PAG1: variants seen among roughly 807,000 people sequenced by gnomAD.
PAG1 encodes the protein phosphoprotein associated with glycosphingolipid-enriched microdomains 1.
A neutral mutation model predicts 31.7 loss-of-function variants in PAG1; 23 were observed. The observed-to-expected ratio is 0.73, with a 90% CI of 0.52 to 1.03. The LOEUF (loss-of-function observed/expected upper bound fraction) is 1.03. Ranked by LOEUF, PAG1 falls within the 50% of genes least tolerant of loss-of-function variation. PAG1 has a pLI of 0.00. For missense variants in PAG1, 473 were observed against 540.7 expected, an observed-to-expected ratio of 0.87 and a Z score of 1.24; for synonymous variants, 214 against 210.3, an observed-to-expected ratio of 1.02 and a Z score of -0.15.
At chr8:80,991,665 G>C (rs1282815221) in intron 4 of PAG1, 135 bp from the exon 5 acceptor site, 2 of 707,032 alleles carry the variant, frequency 2.8e-6, no homozygotes, top group Non-Finnish European at 5.1e-6. Context: ...TGTCAACAAA[G>C]ACAAAATCAG....
chr8:81,050,777 A>G (rs368172555), intron 2 of PAG1, among the ~76,000 whole-genome samples: 1 of 152,232 alleles, frequency 6.6e-6, no homozygotes, highest in Non-Finnish European at 1.5e-5. Flanking sequence ...TGAGTCCATC[A>G]GCTGGTGAGT....
chr8:81,026,872 AC>A lies in PAG1; in HGVS notation c.-81+3123del, dbSNP rs1159756999. Among the ~76,000 whole-genome samples the A allele has an allele frequency of 2.0e-5, 3 of 152,282 alleles. No individual in the cohort carries two copies. The South Asian group carries it at 6.2e-4, about 32-fold the overall frequency. On this transcript the variant is annotated intron_variant, in intron 3 of 8. Coordinates refer to ENST00000220597, the MANE Select transcript of PAG1 (RefSeq NM_018440.4). ...GTAATCCTTAACTCAGCTGTGAAAA[AC>A]AATAAAATAAAAACTGCTTGAAAAA...
chr8:81,051,987 G>A (rs369588644), intron 2 of PAG1, among the ~76,000 whole-genome samples: 7 of 151,832 alleles, frequency 4.6e-5, no homozygotes, highest in African/African-American at 7.3e-5. Context: ...AAAATTAGCC[G>A]GGCGTGGTGG....
At chr8:81,015,562 AT>A (rs10706610) in intron 3 of PAG1, among the ~76,000 whole-genome samples, 75,117 of 152,074 alleles carry the variant, frequency 0.49, 21,217 homozygotes, top group Non-Finnish European at 0.63. Context: ...TTCATCTGAT[AT>A]TCTATAAAAG....
intron 2 of PAG1, among the ~76,000 whole-genome samples, chr8:81,068,215 A>T (rs1809038561): frequency 6.6e-6 from 1 of 152,182 alleles, no homozygotes; most frequent in Non-Finnish European, 1.5e-5. Context: ...TATGTTTCTA[A>T]TAACTGGAAA....
intron 1 of PAG1, among the ~76,000 whole-genome samples, chr8:81,093,061 T>C (rs373526705): frequency 6.6e-6 from 1 of 152,326 alleles, no homozygotes; most frequent in East Asian, 1.9e-4. Flanking sequence ...CCTTAATAAA[T>C]GTTTAATAAG....
chr8:81,096,947 C>T (rs1385795343), intron 1 of PAG1, among the ~76,000 whole-genome samples: 2 of 152,222 alleles, frequency 1.3e-5, no homozygotes, highest in African/African-American at 4.8e-5. Context: ...TCATTCTCTT[C>T]AGCTGAAGCT....
intron 5 of PAG1, among the ~76,000 whole-genome samples, chr8:80,987,885 A>C (rs926898826): frequency 1.3e-5 from 2 of 152,260 alleles, no homozygotes; most frequent in Non-Finnish European, 2.9e-5. Flanking sequence ...AAACTGCAGA[A>C]ATCAAAACTA....
chr8:80,979,158 G>C (rs918682966), intron 8 of PAG1, among the ~76,000 whole-genome samples: 1 of 152,200 alleles, frequency 6.6e-6, no homozygotes, highest in African/African-American at 2.4e-5. Context: ...AGTATAACTA[G>C]GTCCTGTTTC....
chr8:81,028,824 A>G (rs1189929029), intron 3 of PAG1, among the ~76,000 whole-genome samples: 1 of 152,192 alleles, frequency 6.6e-6, no homozygotes, highest in African/African-American at 2.4e-5. Context: ...ACAGAGAATG[A>G]ATAGTATCAC....
At chr8:80,989,623 A>G (rs28464808) in intron 5 of PAG1, among the ~76,000 whole-genome samples, 21,906 of 152,074 alleles carry the variant, frequency 0.14, 2,083 homozygotes, top group African/African-American at 0.27. Context: ...GGAAGAAGGC[A>G]GGGGATGGAA....
intron 2 of PAG1, among the ~76,000 whole-genome samples, chr8:81,062,683 GA>G (rs1417469743): frequency 7.5e-6 from 1 of 133,714 alleles, no homozygotes; most frequent in African/African-American, 2.5e-5. Flanking sequence ...CCTCTCAACA[GA>G]AATCTTTTTT....
chr8:81,107,265 G>A (rs1482928936), intron 1 of PAG1, among the ~76,000 whole-genome samples: 1 of 152,084 alleles, frequency 6.6e-6, no homozygotes, highest in Non-Finnish European at 1.5e-5. Context: ...GTCAATTCCT[G>A]CTCCTGGCAG....
intron 2 of PAG1, among the ~76,000 whole-genome samples, chr8:81,043,441 A>G (rs773440173): frequency 2.0e-5 from 3 of 152,206 alleles, no homozygotes; most frequent in Non-Finnish European, 2.9e-5. Context: ...TGTTACATAT[A>G]TAGTACCCTA....
chr8:81,106,495 A>G (rs971567417), intron 1 of PAG1, among the ~76,000 whole-genome samples: 4 of 152,168 alleles, frequency 2.6e-5, no homozygotes, highest in South Asian at 2.1e-4. Context: ...AACAGTCTAC[A>G]TTTAGGAGAC....
intron 3 of PAG1, among the ~76,000 whole-genome samples, chr8:81,019,938 G>A (rs1168940949): frequency 2.0e-5 from 3 of 152,182 alleles, no homozygotes; most frequent in Non-Finnish European, 2.9e-5. Flanking sequence ...AGCCATAGGG[G>A]TGGAGCCGCC....
intron 2 of PAG1, among the ~76,000 whole-genome samples, chr8:81,047,590 C>T (rs1808662593): frequency 6.6e-6 from 1 of 152,174 alleles, no homozygotes; most frequent in Admixed American, 6.5e-5. Flanking sequence ...TGCATCTGGG[C>T]ATGACCTGGT....
chr8:81,063,830 C>T (rs1168664803), intron 2 of PAG1, among the ~76,000 whole-genome samples: 2 of 152,076 alleles, frequency 1.3e-5, no homozygotes, highest in Admixed American at 6.5e-5. Context: ...CAGATCTCCT[C>T]GTCATTAGAC....
At chr8:80,997,358 C>T (rs999083344) in intron 3 of PAG1, among the ~76,000 whole-genome samples, 1 of 152,130 alleles carries the variant, frequency 6.6e-6, no homozygotes, top group African/African-American at 2.4e-5. Context: ...GCAGCCTCGA[C>T]CTCCTGGAAT....
Sources: allele counts gnomAD v4.1 joint callset (sites outside exome capture counted in the v4.1 genomes callset), GRCh38; gene constraint gnomAD v4.1.1; transcripts MANE v1.5; gene names NCBI Gene and HGNC (gene_info 2026-07-23, HGNC 2026-07-21).